The following MCPH1 variants were observed in gnomAD, a reference collection of about 807,000 sequenced individuals.
MCPH1 encodes microcephalin 1.
In MCPH1, 104 loss-of-function variants were observed where a neutral mutation model predicts 84.5. The observed-to-expected ratio is 1.23, with a 90% CI of 1.05 to 1.45. MCPH1 has a LOEUF of 1.45. Among genes scored for constraint, MCPH1 ranks in the 40% most tolerant of loss-of-function variants. The pLI, the probability that MCPH1 is intolerant of heterozygous loss-of-function variation, is 0.00. For missense variants in MCPH1, 1,498 were observed against 1,005.7 expected (o/e 1.49, Z -6.62); for synonymous variants, 514 against 366.8 (o/e 1.40, Z -4.58).
intron 12 of MCPH1, among the ~76,000 whole-genome samples, chr8:6,510,247 G>A (rs540694405): frequency 6.6e-6 from 1 of 151,858 alleles, no homozygotes; most frequent in African/African-American, 2.4e-5. Context: ...GATCAGAGCA[G>A]GCATTCACGT....
chr8:6,593,155 C>G lies in MCPH1; in HGVS notation c.2215-28299C>G, dbSNP rs1256446999. Among the ~76,000 whole-genome samples, 10 of 145,194 alleles carry G rather than the reference C, an allele frequency of 6.9e-5. 1 individual carries two copies. Among genetic ancestry groups the G allele is most frequent in the Admixed American group, 2.8e-4 (4 of 14,178 alleles). On this transcript the variant is annotated intron_variant, in intron 12 of 13. Transcript: ENST00000344683. ...CTGCAGTGCAATGGCACAATCTTGG[C>G]TCACTGCAACCTCTACCTCCCGGGT...
chr8:6,629,044 A>T (rs1395244653), intron 13 of MCPH1, among the ~76,000 whole-genome samples: 1 of 152,224 alleles, frequency 6.6e-6, no homozygotes, highest in Non-Finnish European at 1.5e-5. Context: ...CAGAATTCAT[A>T]GGTTGAAGCC....
At chr8:6,447,483 A>G (rs1009700734) in intron 8 of MCPH1, 30 of 907,136 alleles carry the variant, frequency 3.3e-5, no homozygotes, top group Admixed American at 6.2e-5. Context: ...AAAACAAGTT[A>G]CAAAGAGCTT....
intron 13 of MCPH1, among the ~76,000 whole-genome samples, chr8:6,623,094 C>T (rs1199780537): frequency 6.8e-6 from 1 of 146,162 alleles, no homozygotes; most frequent in Non-Finnish European, 1.5e-5. Flanking sequence ...CTCAAGCGAT[C>T]CTCCTGCTTT....
chr8:6,493,737 C>A (rs369010806), intron 11 of MCPH1, among the ~76,000 whole-genome samples: 1 of 152,074 alleles, frequency 6.6e-6, no homozygotes, highest in East Asian at 1.9e-4. Flanking sequence ...AAAATATGAC[C>A]GGGGATCTCT....
chr8:6,576,688 T>A (rs1157158570), intron 12 of MCPH1, among the ~76,000 whole-genome samples: 2 of 33,200 alleles, frequency 6.0e-5, no homozygotes, highest in Non-Finnish European at 9.9e-5. Flanking sequence ...TTGTATTTTT[T>A]TTTTTTTTTT....
intron 12 of MCPH1, chr8:6,507,763 A>G (rs1229490608): frequency 4.0e-5 from 6 of 151,792 alleles, no homozygotes; most frequent in Admixed American, 3.9e-4. Flanking sequence ...TTGTATTTTT[A>G]GTAGAGATGG....
At chr8:6,558,030 C>T (rs374551878) in intron 12 of MCPH1, among the ~76,000 whole-genome samples, 6 of 152,154 alleles carry the variant, frequency 3.9e-5, no homozygotes, top group African/African-American at 1.2e-4. Flanking sequence ...CTGCCCCTGC[C>T]CCCACACGCA....
intron 12 of MCPH1, among the ~76,000 whole-genome samples, chr8:6,594,590 G>T (rs867966539): frequency 6.6e-6 from 1 of 152,242 alleles, no homozygotes; most frequent in Non-Finnish European, 1.5e-5. Flanking sequence ...GAGCCTGCTC[G>T]CATCAGGCCA....
At chr8:6,540,381 A>T (rs541382819) in intron 12 of MCPH1, among the ~76,000 whole-genome samples, 23 of 152,322 alleles carry the variant, frequency 1.5e-4, no homozygotes, top group Admixed American at 2.6e-4. Context: ...AAGTTTAAGG[A>T]GACTGCTGTA....
chr8:6,407,008 A>C (rs1226223751), intron 1 of MCPH1: 4 of 339,024 alleles, frequency 1.2e-5, no homozygotes, highest in Non-Finnish European at 1.6e-5. Context: ...CCGTGCTGCT[A>C]GTTCCCCTCA....
chr8:6,507,511 G>GAC (rs1182176803), intron 12 of MCPH1: 1 of 149,418 alleles, frequency 6.7e-6, no homozygotes, highest in Non-Finnish European at 1.5e-5. Context: ...ACTAAGTAGC[G>GAC]TTTGTTCCTG....
intron 12 of MCPH1, among the ~76,000 whole-genome samples, chr8:6,518,474 C>T (rs1213283559): frequency 1.3e-5 from 2 of 152,098 alleles, no homozygotes; most frequent in Non-Finnish European, 2.9e-5. Context: ...TGATTTAACA[C>T]AGCATTAATG....
intron 12 of MCPH1, among the ~76,000 whole-genome samples, chr8:6,604,754 C>G (rs2129578559): frequency 6.6e-6 from 1 of 152,380 alleles, no homozygotes; most frequent in South Asian, 2.1e-4. Flanking sequence ...ATCTGCCTGC[C>G]TCGGCCTCCC....
At chr8:6,516,313 A>G (rs150929433) in intron 12 of MCPH1, among the ~76,000 whole-genome samples, 1 of 152,174 alleles carries the variant, frequency 6.6e-6, no homozygotes, top group Admixed American at 6.5e-5. Context: ...TCTCACAGCA[A>G]CTCTGCTGTA....
intron 11 of MCPH1, among the ~76,000 whole-genome samples, chr8:6,491,553 C>A (rs1051193592): frequency 6.6e-6 from 1 of 151,466 alleles, no homozygotes; most frequent in Non-Finnish European, 1.5e-5. Context: ...TATGCATGTG[C>A]CATGCTGGTG....
At chr8:6,464,787 C>A (rs927682413) in intron 9 of MCPH1, among the ~76,000 whole-genome samples, 2 of 152,206 alleles carry the variant, frequency 1.3e-5, no homozygotes, top group African/African-American at 4.8e-5. Flanking sequence ...CACCTGAGGT[C>A]AGGAGTTTGA....
At chr8:6,473,320 C>CTTTTTTTTTTTTT (rs56077837) in intron 9 of MCPH1, among the ~76,000 whole-genome samples, 8 of 76,436 alleles carry the variant, frequency 1.0e-4, no homozygotes, top group African/African-American at 4.3e-4. Context: ...TCTCTCAATC[C>CTTTTTTTTTTTTT]TTTTTTTTTT....
chr8:6,429,011 G>T (rs550016829), intron 3 of MCPH1, among the ~76,000 whole-genome samples: 3 of 152,078 alleles, frequency 2.0e-5, no homozygotes, highest in Non-Finnish European at 4.4e-5. Flanking sequence ...TTTTTAATCC[G>T]CCCCTCTGAG....
Sources: gnomAD v4.1 joint callset for allele counts (sites outside exome capture counted in the v4.1 genomes callset) on GRCh38, gnomAD v4.1.1 for gene constraint, MANE v1.5 for transcripts, NCBI Gene and HGNC (gene_info 2026-07-23, HGNC 2026-07-21) for gene names.